Variants in RYR2 observed in about 807,000 individuals in gnomAD.
RYR2 encodes cardiac muscle ryanodine receptor-calcium release channel.
A neutral mutation model predicts 601.1 loss-of-function variants in RYR2; 227 were observed. The observed-to-expected ratio is 0.38, with a 90% confidence interval of 0.34 to 0.42. The LOEUF (loss-of-function observed/expected upper bound fraction) is 0.42, where lower values mean the gene tolerates loss of function less well. RYR2 is among the 10% of genes least tolerant of loss of function. RYR2 has a pLI of 1.00. For missense variants in RYR2, 4,646 were observed against 6,156.5 expected (o/e 0.75, Z 8.21); for synonymous variants, 2,223 against 2,175.1 (o/e 1.02, Z -0.61).
Position 237,648,566 on chromosome 1 carries a change from G to T in RYR2, c.7465G>T (p.Glu2489Ter). Residue 2489 changes from glutamate (E) to a stop codon, truncating the protein, a stop_gained, in exon 49 of 105, where the codon GAG becomes TAG. Coordinates refer to ENST00000366574, the MANE Select transcript of RYR2 (RefSeq NM_001035.3). LOFTEE classifies it high-confidence loss of function. The stretch of plus-strand genomic sequence containing the variant: ...TCAAGACTTCCTCCTCCATCTTCTT[G>T]AGGTTGGCTTTCTGCCAGATCTCCG... ...EVQDFLLHLLEVGFLPDLRAA... is the reference protein window; with the variant it reads ...EVQDFLLHLL 1.2e-6 allele frequency: 2 copies of T among 1,611,326 alleles called. No individual in the cohort carries two copies. Among genetic ancestry groups the T allele is most frequent in the Non-Finnish European group, 1.7e-6 (2 of 1,178,632 alleles).
At chr1:237,563,411 C>CCA (rs1553502506) in intron 27 of RYR2, among the ~76,000 whole-genome samples, 14 of 132,590 alleles carry the variant, frequency 1.1e-4, no homozygotes, top group African/African-American at 4.0e-4. Flanking sequence ...AACTCCATCT[C>CCA]AAAAAAAAAA....
intron 7 of RYR2, among the ~76,000 whole-genome samples, chr1:237,375,757 T>A (rs1267645090): frequency 6.6e-6 from 1 of 152,158 alleles, no homozygotes; most frequent in Non-Finnish European, 1.5e-5. Context: ...TTTTTGCTAG[T>A]TTTTTAGTTT....
chr1:237,235,242 T>A (rs1445888405), intron 1 of RYR2, among the ~76,000 whole-genome samples: 2 of 152,242 alleles, frequency 1.3e-5, no homozygotes, highest in Non-Finnish European at 2.9e-5. Flanking sequence ...AAGGCTCTTG[T>A]CAGGCTCTTG....
At chr1:237,795,395 A>T in intron 96 of RYR2, 64 bp downstream of exon 96, 2 of 797,452 alleles carry the variant, frequency 2.5e-6, no homozygotes, top group Non-Finnish European at 4.1e-6. Context: ...ATTTGATGTG[A>T]TTCAGATGTA....
At chr1:237,130,891 C>A (rs1372689301) in intron 1 of RYR2, among the ~76,000 whole-genome samples, 3 of 151,948 alleles carry the variant, frequency 2.0e-5, no homozygotes, top group Non-Finnish European at 4.4e-5. Context: ...CCAGCTGTTC[C>A]CTGGCAGATG....
At chr1:237,822,760 T>G (rs1465734936) in intron 101 of RYR2, among the ~76,000 whole-genome samples, 1 of 152,154 alleles carries the variant, frequency 6.6e-6, no homozygotes, top group Non-Finnish European at 1.5e-5. Context: ...TCAAGACCCA[T>G]TAATGTGCTG....
chr1:237,631,613 ATTTTTTTTTTTTTTTTTTTTT>A lies in RYR2; in HGVS notation c.6555+84_6555+104del, dbSNP rs556269614. ...GTATATAGATTGATATAGAATGCAGATTTTTTTTTTTTTTTTTTTTTTTTTTTTTTTTGGAGACAGAGGCTC... is the reference window on the plus strand; with the variant it reads ...GTATATAGATTGATATAGAATGCAGATTTTTTTTTTTGGAGACAGAGGCTC... On this transcript the variant is annotated intron_variant, in intron 42 of 104. Transcript: ENST00000366574. 10 of 208,594 alleles carry A rather than the reference ATTTTTTTTTTTTTTTTTTTTT, an allele frequency of 4.8e-5. 1 individual carries two copies. The South Asian group carries it at 4.8e-4, about 10-fold the overall frequency. The allele number at this position is 208,594 out of a possible 1,614,324, so 12.9% of individuals were successfully genotyped here.
At chr1:237,510,088 C>T (rs967840607) in intron 23 of RYR2, among the ~76,000 whole-genome samples, 16 of 152,132 alleles carry the variant, frequency 1.1e-4, no homozygotes, top group Non-Finnish European at 2.4e-4. Flanking sequence ...AGGTGACAGA[C>T]TTATGTCTGC....
At chr1:237,671,800 G>A (rs1246998528) in intron 58 of RYR2, among the ~76,000 whole-genome samples, 1 of 152,002 alleles carries the variant, frequency 6.6e-6, no homozygotes, top group African/African-American at 2.4e-5. Context: ...AGAAATAAAG[G>A]AGTGTAAGTC....
At chr1:237,548,192 G>A (rs1426668074) in intron 25 of RYR2, among the ~76,000 whole-genome samples, 1 of 152,158 alleles carries the variant, frequency 6.6e-6, no homozygotes. Flanking sequence ...AGACAGGTAA[G>A]TTGTCTCATT....
intron 84 of RYR2, 33 bp downstream of exon 84, chr1:237,761,061 T>A (rs1488856846): frequency 7.9e-7 from 1 of 1,259,772 alleles, no homozygotes; most frequent in Non-Finnish European, 1.1e-6. Context: ...GGATCACCTG[T>A]CTCCCTTCCC....
intron 101 of RYR2, among the ~76,000 whole-genome samples, chr1:237,822,188 C>A (rs1662585326): frequency 6.6e-6 from 1 of 152,236 alleles, no homozygotes; most frequent in Non-Finnish European, 1.5e-5. Context: ...CACAAAGATA[C>A]TCCTAGAGAA....
In RYR2 at chr1:237,525,775, T is replaced by G. The variant is rs6675875; in HGVS notation, c.2823-4652T>G. On this transcript the variant is annotated intron_variant, in intron 24 of 104. Transcript: ENST00000366574. ...CCGGTGAATCACCTGAGGTCAGATG[T>G]TTGAGACCAGCCTGGCCAACATGGT... Among the ~76,000 whole-genome samples, 414 of 152,058 alleles carry G rather than the reference T, an allele frequency of 2.7e-3. 1 individual carries two copies. Among genetic ancestry groups the G allele is most frequent in the African/African-American group, 9.5e-3 (394 of 41,516 alleles).
At chr1:237,426,986 T>C (rs1424395103) in intron 12 of RYR2, among the ~76,000 whole-genome samples, 1 of 152,122 alleles carries the variant, frequency 6.6e-6, no homozygotes, top group Non-Finnish European at 1.5e-5. Context: ...TTGCCTTCTA[T>C]GAAACAAACA....
chr1:237,819,025 C>CT lies in RYR2; in HGVS notation c.14434-5dup, dbSNP rs1662145037. On this transcript the variant is annotated splice_polypyrimidine_tract_variant and intron_variant, in intron 100 of 104. Transcript: ENST00000366574. The surrounding 1 kb of genome is among the most constrained non-coding windows in gnomAD (Gnocchi z 4.0). ...GTCCCTCCAAGAAGTGATACCATGT[C>CT]TTTTTTCCAGTGCTATATGTTCCAC... The CT allele has an allele frequency of 6.2e-7, 1 of 1,601,958 alleles. No individual in the cohort carries two copies. The highest frequency in any genetic ancestry group is 1.3e-5 in the African/African-American group (1 of 74,672).
At chr1:237,547,003 A>G (rs1230866250) in intron 25 of RYR2, among the ~76,000 whole-genome samples, 1 of 143,238 alleles carries the variant, frequency 7.0e-6, no homozygotes, top group African/African-American at 2.5e-5. Context: ...ATATTTATTT[A>G]TTTATTTATT....
At chr1:237,776,431 T>C (rs964936534) in intron 87 of RYR2, among the ~76,000 whole-genome samples, 1 of 152,212 alleles carries the variant, frequency 6.6e-6, no homozygotes, top group African/African-American at 2.4e-5. Flanking sequence ...AGGAATCTTG[T>C]GCACTGGCCA....
chr1:237,125,624 T>G (rs1671324844), intron 1 of RYR2, among the ~76,000 whole-genome samples: 1 of 152,334 alleles, frequency 6.6e-6, no homozygotes, highest in East Asian at 1.9e-4. Flanking sequence ...GTTTTTGTGC[T>G]AAGTTCCTCA....
chr1:237,638,618 A>AGG, intron 45 of RYR2, 126 bp downstream of exon 45: 1 of 1,061,368 alleles, frequency 9.4e-7, no homozygotes, highest in Non-Finnish European at 1.4e-6. Context: ...TATAATCGAT[A>AGG]GGGGTTTTTC....
Sources: allele counts gnomAD v4.1 joint callset (sites outside exome capture counted in the v4.1 genomes callset), GRCh38; gene constraint gnomAD v4.1.1; non-coding constraint Gnocchi (gnomAD v3.1); transcripts MANE v1.5; gene names NCBI Gene and HGNC (gene_info 2026-07-23, HGNC 2026-07-21).